The following SOX5 variants were observed in gnomAD, a reference collection of about 807,000 sequenced individuals.
The protein encoded by SOX5 is transcription factor SOX-5.
In SOX5, 9 loss-of-function variants were observed where a neutral mutation model predicts 92.0. That is an observed-to-expected ratio of 0.10 (90% CI 0.06 to 0.17). The LOEUF (loss-of-function observed/expected upper bound fraction) is 0.17, where lower values mean the gene tolerates loss of function less well. Among genes scored for constraint, SOX5 ranks in the 10% least tolerant of loss-of-function variants. The pLI is 1.00. For missense variants in SOX5, 642 were observed against 944.5 expected, an observed-to-expected ratio of 0.68 and a Z score of 4.20; for synonymous variants, 344 against 336.3, an observed-to-expected ratio of 1.02 and a Z score of -0.25.
intron 3 of SOX5, among the ~76,000 whole-genome samples, chr12:24,275,783 G>A (rs1193745485): frequency 3.9e-5 from 6 of 152,102 alleles, no homozygotes; most frequent in Non-Finnish European, 7.4e-5. Context: ...GTTTACAGAA[G>A]TGGCCAAATT....
At chr12:24,002,468 T>C (rs1346486515) in intron 4 of SOX5, among the ~76,000 whole-genome samples, 3 of 151,758 alleles carry the variant, frequency 2.0e-5, no homozygotes, top group Admixed American at 6.6e-5. Context: ...ATTTAGATGA[T>C]GAAAGCGAAA....
chr12:23,677,387 A>G (rs1183059619), intron 6 of SOX5, among the ~76,000 whole-genome samples: 1 of 152,216 alleles, frequency 6.6e-6, no homozygotes, highest in Non-Finnish European at 1.5e-5. Context: ...GCTTATTAGC[A>G]AATCAGAAAT....
intron 1 of SOX5, among the ~76,000 whole-genome samples, chr12:24,387,741 T>C (rs1958577069): frequency 2.0e-5 from 3 of 152,212 alleles, no homozygotes; most frequent in Admixed American, 6.5e-5. Flanking sequence ...AGTAAAATTG[T>C]TAAGTAGGCA....
At chr12:24,284,563 G>A (rs960145683) in intron 2 of SOX5, among the ~76,000 whole-genome samples, 1 of 152,092 alleles carries the variant, frequency 6.6e-6, no homozygotes, top group African/African-American at 2.4e-5. Flanking sequence ...CCAAATTTCA[G>A]CATCTATGAA....
intron 2 of SOX5, among the ~76,000 whole-genome samples, chr12:23,873,916 T>G (rs952021877): frequency 6.6e-6 from 1 of 152,192 alleles, no homozygotes; most frequent in Non-Finnish European, 1.5e-5. Flanking sequence ...ACTTTGATTA[T>G]AAAAAACTCA....
chr12:24,472,721 A>G (rs920707815), intron 1 of SOX5, among the ~76,000 whole-genome samples: 7 of 152,180 alleles, frequency 4.6e-5, no homozygotes, highest in Admixed American at 1.3e-4. Flanking sequence ...AGAAGCCTTC[A>G]GTTGCCAGAG....
chr12:24,125,932 C>G (rs1010778439), intron 4 of SOX5, among the ~76,000 whole-genome samples: 1 of 152,160 alleles, frequency 6.6e-6, no homozygotes. Context: ...TCCAAGAGGG[C>G]CTTTCAGATC....
At chr12:24,349,755 G>C (rs985806411) in intron 2 of SOX5, among the ~76,000 whole-genome samples, 1 of 152,134 alleles carries the variant, frequency 6.6e-6, no homozygotes, top group African/African-American at 2.4e-5. Context: ...TGTACAAATA[G>C]CTCTTTGAAA....
At chr12:23,904,933 G>T (rs1340997965) in intron 1 of SOX5, among the ~76,000 whole-genome samples, 1 of 152,088 alleles carries the variant, frequency 6.6e-6, no homozygotes, top group Non-Finnish European at 1.5e-5. Context: ...AGAGATGGAG[G>T]GGAGGATTAG....
chr12:24,331,501 G>T (rs1251312846), intron 2 of SOX5: 1 of 151,992 alleles, frequency 6.6e-6, no homozygotes, highest in Non-Finnish European at 1.5e-5. Flanking sequence ...TTACACTAGG[G>T]AATATATGAC....
Position 23,820,705 on chromosome 12 carries a change from T to C in SOX5, c.481+25278A>G, listed in dbSNP as rs139965400. Among the ~76,000 whole-genome samples, 263 of 152,342 alleles carry C rather than the reference T, an allele frequency of 1.7e-3. 2 individuals are homozygous for C. The highest frequency in any genetic ancestry group is 6.0e-3 in the African/African-American group (250 of 41,588). On this transcript the variant is annotated intron_variant, in intron 3 of 14. Transcript: ENST00000451604. ...AATCCTTTCCCATTGCTTGTTTTTG[T>C]CAGCTTTGTCAAGGATCAGGTGTTT...
At chr12:23,738,005 A>T (rs1237321116) in intron 5 of SOX5, among the ~76,000 whole-genome samples, 2 of 152,152 alleles carry the variant, frequency 1.3e-5, no homozygotes, top group Non-Finnish European at 2.9e-5. Flanking sequence ...TGGTTTACTT[A>T]TTGTCTATCC....
At chr12:24,075,158 A>G (rs1942383532) in intron 4 of SOX5, among the ~76,000 whole-genome samples, 2 of 151,562 alleles carry the variant, frequency 1.3e-5, no homozygotes, top group African/African-American at 4.8e-5. Context: ...AGTTCTAGAT[A>G]CTTGAGAGGA....
chr12:23,896,011 G>A lies in SOX5; in HGVS notation c.52C>T (p.Arg18Ter), dbSNP rs780962501. The change falls in exon 2 of 15, where the codon CGA becomes TGA. Residue 18 changes from arginine (R) to a stop codon, truncating the protein, a stop_gained. Transcript: ENST00000451604. LOFTEE classifies it high-confidence loss of function. ...GCTTCCCCATACGGAGAGGCTGGTC[G>A]CTTGGAAGACATCCTGGAAGGAACA... Reference protein sequence around the residue: ...PQEFERMSSKRPASPYGEADG... With the variant: ...PQEFERMSSK 2 of 1,612,254 alleles carry A rather than the reference G, an allele frequency of 1.2e-6. No individual in the cohort carries two copies. The highest frequency in any genetic ancestry group is 1.7e-6 in the Non-Finnish European group (2 of 1,178,412).
chr12:24,088,796 AAC>A (rs1399853667), intron 4 of SOX5, among the ~76,000 whole-genome samples: 1 of 152,114 alleles, frequency 6.6e-6, no homozygotes, highest in Non-Finnish European at 1.5e-5. Context: ...TCCTACTGAT[AAC>A]AGTGGATTAT....
chr12:23,970,756 C>T (rs1011793437), intron 4 of SOX5, among the ~76,000 whole-genome samples: 4 of 140,768 alleles, frequency 2.8e-5, no homozygotes, highest in Middle Eastern at 3.7e-3. Context: ...CATTGGTGTC[C>T]ACTGGTGTCC....
At chr12:23,974,532 T>C (rs1038125541) in intron 4 of SOX5, among the ~76,000 whole-genome samples, 10 of 152,198 alleles carry the variant, frequency 6.6e-5, no homozygotes, top group Non-Finnish European at 1.2e-4. Context: ...TCAGCATAGA[T>C]AAAGTCATAA....
chr12:24,384,829 G>A (rs530535328), intron 1 of SOX5, among the ~76,000 whole-genome samples: 5 of 152,228 alleles, frequency 3.3e-5, no homozygotes, highest in East Asian at 1.9e-4. Context: ...CTCCTGAAAC[G>A]AGTAATATCA....
At chr12:24,238,759 T>C (rs563092021) in intron 3 of SOX5, among the ~76,000 whole-genome samples, 2 of 152,290 alleles carry the variant, frequency 1.3e-5, no homozygotes, top group South Asian at 4.1e-4. Flanking sequence ...AGATCCTACA[T>C]AGCTTACATA....
Sources: allele counts gnomAD v4.1 joint callset (sites outside exome capture counted in the v4.1 genomes callset), GRCh38; gene constraint gnomAD v4.1.1; transcripts MANE v1.5; gene names NCBI Gene and HGNC (gene_info 2026-07-23, HGNC 2026-07-21).